Variants in FUT8 observed in about 807,000 individuals in gnomAD.
FUT8 encodes the protein alpha-(1,6)-fucosyltransferase.
A neutral mutation model predicts 71.3 loss-of-function variants in FUT8; 29 were observed. That is an observed-to-expected ratio of 0.41 (90% CI 0.30 to 0.55). The LOEUF (loss-of-function observed/expected upper bound fraction) is 0.55, where lower values mean the gene tolerates loss of function less well. Among genes scored for constraint, FUT8 ranks in the 20% least tolerant of loss-of-function variants. The pLI is 0.34. For synonymous variants in FUT8, 254 were observed against 239.3 expected (o/e 1.06, Z -0.57); for missense variants, 544 against 702.1 (o/e 0.77, Z 2.55).
At chr14:65,693,381 CCTGCAATCGCAGGCA>C (rs1170375067) in intron 7 of FUT8, among the ~76,000 whole-genome samples, 2 of 152,182 alleles carry the variant, frequency 1.3e-5, no homozygotes, top group Non-Finnish European at 2.9e-5. Context: ...GCGGCGCGCG[CCTGCAATCGCAGGCA>C]CTCGGCAGGC....
Position 65,742,230 on chromosome 14 carries a change from A to C in FUT8, c.1548A>C (p.Arg516=), listed in dbSNP as rs771923308. 1.2e-6 allele frequency: 2 copies of C among 1,613,092 alleles called. No individual in the cohort carries two copies. The highest frequency in any genetic ancestry group is 1.7e-4 in the Middle Eastern group (1 of 6,052). Residue 516 remains arginine, a synonymous_variant, in exon 11 of 11, where the codon CGA becomes CGC. Coordinates refer to ENST00000673929, the MANE Select transcript of FUT8 (RefSeq NM_001371533.1). The part of the protein sequence containing the change: ...NQIAIYAHQP[R]TADEIPMEPG... Reference sequence around the variant, plus strand: ...TTGCCATTTATGCTCACCAACCCCGAACTGCAGATGAAATTCCCATGGAAC... The same window carrying C: ...TTGCCATTTATGCTCACCAACCCCGCACTGCAGATGAAATTCCCATGGAAC...
At chr14:65,449,270 T>G (rs2065786871) in intron 1 of FUT8, among the ~76,000 whole-genome samples, 1 of 152,228 alleles carries the variant, frequency 6.6e-6, no homozygotes, top group South Asian at 2.1e-4. Flanking sequence ...TAGGAAATAT[T>G]TGCTTACCAA....
At chr14:65,477,766 G>A (rs1162655751) in intron 2 of FUT8, among the ~76,000 whole-genome samples, 7 of 152,018 alleles carry the variant, frequency 4.6e-5, no homozygotes, top group Admixed American at 4.6e-4. Context: ...ATATCTTCTA[G>A]CCTGGGTAAG....
intron 7 of FUT8, among the ~76,000 whole-genome samples, chr14:65,677,151 T>TGTGTGTGTGTGCGCGCGCGCGC: frequency 4.8e-4 from 53 of 110,696 alleles, no homozygotes; most frequent in Non-Finnish European, 7.5e-4. Flanking sequence ...TGTGTGTGTG[T>TGTGTGTGTGTGCGCGCGCGCGC]GCGCGCGCGC....
Position 65,605,115 on chromosome 14 carries a change from A to G in FUT8, c.204-10863A>G, listed in dbSNP as rs374141327. 3.6e-4 allele frequency among the ~76,000 whole-genome samples: 54 copies of G among 152,076 alleles called. No individual in the cohort carries two copies. The South Asian group carries it at 0.011, about 31-fold the overall frequency. ...TACCATATATGAATAACCACAATTT[A>G]CTATTTATTCTCTATTAATGGACAT... On this transcript the variant is annotated intron_variant, in intron 3 of 10. Transcript: ENST00000673929.
chr14:65,651,872 A>G (rs1183034707), intron 6 of FUT8, among the ~76,000 whole-genome samples: 1 of 152,334 alleles, frequency 6.6e-6, no homozygotes, highest in Admixed American at 6.5e-5. Context: ...AAAAAGGTGA[A>G]GAGAGTCTTA....
the FUT8 span, among the ~76,000 whole-genome samples, chr14:65,361,807 C>CAAATAAATAAAT: frequency 1.5e-4 from 21 of 135,748 alleles, no homozygotes; most frequent in African/African-American, 5.3e-4. Context: ...AACAAACAAA[C>CAAATAAATAAAT]AAATAAATAA....
Position 65,633,930 on chromosome 14 carries a change from C to T in FUT8, c.597+4324C>T, listed in dbSNP as rs1297568836. ...CCCCCGCCCGGCCAGCTGCCCCGTC[C>T]GGGAGGGAGGTGGGGGGTCAGCCCC... On this transcript the variant is annotated intron_variant, in intron 6 of 10. Transcript: ENST00000673929. Among the ~76,000 whole-genome samples, 10 of 151,566 alleles carry T rather than the reference C, an allele frequency of 6.6e-5. No homozygotes were observed. The South Asian group carries it at 8.3e-4, about 13-fold the overall frequency.
At chr14:65,445,536 A>G (rs2139510949) in intron 1 of FUT8, among the ~76,000 whole-genome samples, 1 of 152,308 alleles carries the variant, frequency 6.6e-6, no homozygotes, top group South Asian at 2.1e-4. Flanking sequence ...TATCCTGAGT[A>G]TGGATATACA....
chr14:65,421,733 TAA>T (rs2065297919), intron 1 of FUT8, among the ~76,000 whole-genome samples: 2 of 48,958 alleles, frequency 4.1e-5, no homozygotes, highest in Admixed American at 2.3e-4. Flanking sequence ...TGAAACCCTT[TAA>T]CCCACCCCCC....
At chr14:65,493,185 G>A (rs1029463630) in intron 2 of FUT8, among the ~76,000 whole-genome samples, 3 of 152,112 alleles carry the variant, frequency 2.0e-5, no homozygotes, top group African/African-American at 7.2e-5. Flanking sequence ...GGGCATAGAG[G>A]ATTAAAGGGG....
chr14:65,516,984 T>C (rs1383765667), intron 2 of FUT8, among the ~76,000 whole-genome samples: 1 of 151,550 alleles, frequency 6.6e-6, no homozygotes, highest in Non-Finnish European at 1.5e-5. Flanking sequence ...CTTCTAGGAC[T>C]GGCTCATTGT....
intron 2 of FUT8, among the ~76,000 whole-genome samples, chr14:65,533,429 C>T (rs1884085568): frequency 6.6e-6 from 1 of 151,978 alleles, no homozygotes; most frequent in Non-Finnish European, 1.5e-5. Flanking sequence ...GCGAATGGGA[C>T]TGTTTTCCTA....
chr14:65,690,219 T>C (rs1235862692), intron 7 of FUT8, among the ~76,000 whole-genome samples: 1 of 152,202 alleles, frequency 6.6e-6, no homozygotes, highest in East Asian at 1.9e-4. Flanking sequence ...TCTGGGATCT[T>C]CTGTTCCATT....
At chr14:65,410,767 C>A (rs544428940), upstream of FUT8, 1 of 151,686 alleles carries the variant, frequency 6.6e-6, no homozygotes, top group African/African-American at 2.4e-5. Flanking sequence ...AGAAGTAGTT[C>A]TTTTTTTTAA....
intron 7 of FUT8, among the ~76,000 whole-genome samples, chr14:65,687,188 A>G (rs904831522): frequency 6.6e-6 from 1 of 152,150 alleles, no homozygotes; most frequent in African/African-American, 2.4e-5. Flanking sequence ...TCTTTAGTCA[A>G]AGAGAAAACC....
rs1891922254 is a variant in FUT8, at chr14:65,660,795, C to A, written c.598-8448C>A. On this transcript the variant is annotated intron_variant, in intron 6 of 10. Transcript: ENST00000673929. The surrounding 1 kb of genome is among the most constrained non-coding windows in gnomAD (Gnocchi z 4.1). ...TAATTGCCTCTTTCATGGTTATTAA[C>A]TGAGTCTTCATTTTAATTACCACAA... Among the ~76,000 whole-genome samples, 1 of 152,166 alleles carries A rather than the reference C, an allele frequency of 6.6e-6. No individual in the cohort carries two copies.
rs139966903 is a variant in FUT8 at position 65,426,177 on chromosome 14, A to G, written c.-326+12963A>G. Among the ~76,000 whole-genome samples the G allele has an allele frequency of 5.0e-3, 755 of 152,130 alleles. 8 individuals carry two copies. Among genetic ancestry groups the G allele is most frequent in the African/African-American group, 0.017 (719 of 41,484 alleles). ...CTGCTTCTATGAGTTCACCTTTTTT[A>G]GATTCCATATATAAGTAAGATCATG... On this transcript the variant is annotated intron_variant, in intron 1 of 10. Transcript: ENST00000673929.
chr14:65,427,108 C>A (rs933623365), intron 1 of FUT8, among the ~76,000 whole-genome samples: 2 of 152,208 alleles, frequency 1.3e-5, no homozygotes, highest in African/African-American at 2.4e-5. Flanking sequence ...GTGATCCGCC[C>A]GCCTTGGCCT....
Sources: gnomAD v4.1 joint callset for allele counts (sites outside exome capture counted in the v4.1 genomes callset) on GRCh38, gnomAD v4.1.1 for gene constraint, Gnocchi (gnomAD v3.1) non-coding constraint, MANE v1.5 for transcripts, NCBI Gene and HGNC (gene_info 2026-07-23, HGNC 2026-07-21) for gene names.